The following SS18L1 variants were observed in gnomAD, a reference collection of about 807,000 sequenced individuals.
SS18L1 encodes calcium-responsive transactivator.
In SS18L1, 32 loss-of-function variants were observed where a neutral mutation model predicts 70.3. The ratio of observed to expected loss-of-function variants is 0.46; its 90% CI spans 0.34 to 0.61. The LOEUF (loss-of-function observed/expected upper bound fraction) is 0.61. Among genes scored for constraint, SS18L1 ranks in the 20% least tolerant of loss-of-function variants. The probability of loss-of-function intolerance (pLI) is 0.01; values close to 1 mark genes in which losing one functional copy is unlikely to be tolerated. For missense variants in SS18L1, 430 were observed against 542.1 expected, an observed-to-expected ratio of 0.79 and a Z score of 2.05; for synonymous variants, 237 against 229.7, an observed-to-expected ratio of 1.03 and a Z score of -0.29.
intron 1 of SS18L1, among the ~76,000 whole-genome samples, chr20:62,150,279 G>A (rs557934159): frequency 2.0e-4 from 31 of 152,350 alleles, no homozygotes; most frequent in South Asian, 4.1e-4. Context: ...TGCTGACCTC[G>A]GGGGCAGGGA....
At chr20:62,166,925 CA>C (rs1199324129) in intron 8 of SS18L1, among the ~76,000 whole-genome samples, 2 of 143,160 alleles carry the variant, frequency 1.4e-5, no homozygotes, top group African/African-American at 2.7e-5. Context: ...AACTTTGTCT[CA>C]AAAAAAATAA....
chr20:62,174,391 G>A lies in SS18L1; in HGVS notation c.1037-126G>A, dbSNP rs1337528618. The A allele has an allele frequency of 4.2e-6, 6 of 1,441,348 alleles. No individual in the cohort carries two copies. Among genetic ancestry groups the A allele is most frequent in the East Asian group, 2.5e-5 (1 of 40,236 alleles). The allele number at this position is 1,441,348 out of a possible 1,614,324, so 89.3% of individuals were successfully genotyped here. A position where few individuals can be genotyped will look rare whatever the true frequency, so the allele number is the denominator to read the frequency against. On this transcript the variant is annotated intron_variant, in intron 9 of 10. Coordinates refer to ENST00000331758, the MANE Select transcript of SS18L1 (RefSeq NM_198935.3). The surrounding 1 kb of genome is among the most constrained non-coding windows in gnomAD (Gnocchi z 4.1). ...CAGGTGTTCTGGAGATTGACAAAAG[G>A]CTGATGCATTGAGACGGGAATTTTT...
chr20:62,176,660 C>T (rs1472246095), intron 10 of SS18L1, among the ~76,000 whole-genome samples: 1 of 152,044 alleles, frequency 6.6e-6, no homozygotes, highest in African/African-American at 2.4e-5. Context: ...GCTAAAAATA[C>T]AAAAATTAGC....
At chr20:62,156,076 A>C (rs550643039) in intron 1 of SS18L1, among the ~76,000 whole-genome samples, 4 of 151,534 alleles carry the variant, frequency 2.6e-5, no homozygotes, top group South Asian at 4.2e-4. Context: ...TCGTGCGTAC[A>C]TAAACCTCGC....
At chr20:62,171,607 G>T (rs751201514) in intron 8 of SS18L1, among the ~76,000 whole-genome samples, 1 of 152,126 alleles carries the variant, frequency 6.6e-6, no homozygotes, top group East Asian at 1.9e-4. Flanking sequence ...ATTCCAGTGT[G>T]CATTATCTCA....
Position 62,163,549 on chromosome 20 carries a change from G to T in SS18L1, c.648G>T (p.Met216Ile). 6.2e-7 allele frequency: 1 copy of T among 1,611,200 alleles called. No individual in the cohort carries two copies. The part of the protein sequence containing the change: ...QHYQGQSSIA[M>I]MGQGSQGSSM... ...ACCAGGGCCAGTCGTCCATCGCCATGATGGGGCAGGGCAGCCAGGGGAGCA... is the reference window on the plus strand; with the variant it reads ...ACCAGGGCCAGTCGTCCATCGCCATTATGGGGCAGGGCAGCCAGGGGAGCA... Residue 216 changes from methionine (M) to isoleucine (I), a missense_variant, in exon 6 of 11, where the codon ATG (methionine) becomes ATT (isoleucine). Transcript: ENST00000331758.
chr20:62,146,817 C>T (rs955664734), intron 1 of SS18L1, among the ~76,000 whole-genome samples: 2 of 151,982 alleles, frequency 1.3e-5, no homozygotes, highest in African/African-American at 4.8e-5. Context: ...CGGAGTTTCT[C>T]TGTGTTGGCC....
At chr20:62,147,547 T>A (rs1329646099) in intron 1 of SS18L1, among the ~76,000 whole-genome samples, 1 of 152,186 alleles carries the variant, frequency 6.6e-6, no homozygotes, top group Non-Finnish European at 1.5e-5. Flanking sequence ...ATAAATGTGT[T>A]ACTGTTTCTG....
At chr20:62,166,028 T>C (rs1467274362) in intron 8 of SS18L1, among the ~76,000 whole-genome samples, 7 of 152,194 alleles carry the variant, frequency 4.6e-5, no homozygotes, top group African/African-American at 1.7e-4. Flanking sequence ...TCCTGGGCAG[T>C]GCTGCGCTGG....
At chr20:62,149,145 G>A (rs1277347639) in intron 1 of SS18L1, among the ~76,000 whole-genome samples, 1 of 152,258 alleles carries the variant, frequency 6.6e-6, no homozygotes, top group African/African-American at 2.4e-5. Context: ...TGCAGGTGGT[G>A]GCAGTGTCAC....
At chr20:62,155,801 C>G (rs1416244336) in intron 1 of SS18L1, among the ~76,000 whole-genome samples, 1 of 152,158 alleles carries the variant, frequency 6.6e-6, no homozygotes, top group African/African-American at 2.4e-5. Context: ...GGCACTGATT[C>G]AGTTGTTACT....
At chr20:62,160,944 C>T (rs1023525536) in intron 3 of SS18L1, among the ~76,000 whole-genome samples, 9 of 151,158 alleles carry the variant, frequency 6.0e-5, no homozygotes, top group African/African-American at 9.7e-5. Flanking sequence ...CCCTTCTGTG[C>T]GGTGTGATCC....
At chr20:62,171,900 C>G (rs749171915) in intron 8 of SS18L1, among the ~76,000 whole-genome samples, 68 of 152,256 alleles carry the variant, frequency 4.5e-4, no homozygotes, top group Non-Finnish European at 7.9e-4. Context: ...CCGTGGCTCA[C>G]GCCTGTAATC....
At chr20:62,176,373 CATG>C (rs2057620209) in intron 10 of SS18L1, among the ~76,000 whole-genome samples, 1 of 152,072 alleles carries the variant, frequency 6.6e-6, no homozygotes, top group Admixed American at 6.5e-5. Flanking sequence ...AGTAGTCAGG[CATG>C]GTGGTGCATG....
intron 1 of SS18L1, among the ~76,000 whole-genome samples, chr20:62,155,517 G>A (rs1202915728): frequency 6.6e-6 from 1 of 152,224 alleles, no homozygotes; most frequent in Non-Finnish European, 1.5e-5. Context: ...GGCAGGTGGG[G>A]GCCGCACCGC....
chr20:62,144,455 G>A (rs956685896), intron 1 of SS18L1, among the ~76,000 whole-genome samples: 1 of 152,236 alleles, frequency 6.6e-6, no homozygotes, highest in South Asian at 2.1e-4. Context: ...AGGCGCGAAC[G>A]ATGGAGGCAC....
intron 1 of SS18L1, among the ~76,000 whole-genome samples, chr20:62,144,681 G>A (rs2056991354): frequency 6.6e-6 from 1 of 152,252 alleles, no homozygotes; most frequent in African/African-American, 2.4e-5. Flanking sequence ...CAGCGTTTAT[G>A]TGGGTTTGGG....
Position 62,162,735 on chromosome 20 carries a change from C to T in SS18L1, c.377-17C>T, listed in dbSNP as rs74993558. Reference sequence around the variant, plus strand: ...GGCTCCCCAGTGCCTGACACCACTCCCTGCTCCCCATGCCAGGGCCGAGCC... The same window carrying T: ...GGCTCCCCAGTGCCTGACACCACTCTCTGCTCCCCATGCCAGGGCCGAGCC... On this transcript the variant is annotated splice_polypyrimidine_tract_variant and intron_variant, in intron 4 of 10. Transcript: ENST00000331758. 0.01 allele frequency: 16,224 copies of T among 1,596,102 alleles called. 138 individuals carry two copies. The highest frequency in any genetic ancestry group is 0.023 in the South Asian group (2,059 of 90,188).
chr20:62,151,515 C>G (rs1347769117), intron 1 of SS18L1, among the ~76,000 whole-genome samples: 2 of 152,230 alleles, frequency 1.3e-5, no homozygotes, highest in African/African-American at 4.8e-5. Flanking sequence ...GAGCCTGAGA[C>G]CACAGGGGTG....
Sources: gnomAD v4.1 joint callset for allele counts (sites outside exome capture counted in the v4.1 genomes callset) on GRCh38, gnomAD v4.1.1 for gene constraint, Gnocchi (gnomAD v3.1) non-coding constraint, MANE v1.5 for transcripts, NCBI Gene and HGNC (gene_info 2026-07-23, HGNC 2026-07-21) for gene names.